Variants in KDM2B observed in about 807,000 individuals in gnomAD.
KDM2B encodes lysine demethylase 2B.
KDM2B carries 26 observed loss-of-function variants against 150.0 expected under a neutral mutation model. The observed-to-expected ratio is 0.17, with a 90% CI of 0.13 to 0.24. The LOEUF (loss-of-function observed/expected upper bound fraction) is 0.24. Among genes scored for constraint, KDM2B ranks in the 10% least tolerant of loss-of-function variants. KDM2B has a pLI of 1.00. For missense variants in KDM2B, 1,265 were observed against 1,816.9 expected, an observed-to-expected ratio of 0.70 and a Z score of 5.52; for synonymous variants, 734 against 729.5, an observed-to-expected ratio of 1.01 and a Z score of -0.10.
Position 121,467,350 on chromosome 12 carries a change from C to CCGCGCCG in KDM2B, c.1735-14013_1735-14007dup. 1 of 981,310 alleles carries CCGCGCCG rather than the reference C, an allele frequency of 1.0e-6. No homozygotes were observed. Among genetic ancestry groups the CCGCGCCG allele is most frequent in the Non-Finnish European group, 1.2e-6 (1 of 828,216 alleles). 60.8% of individuals were successfully genotyped at this position (981,310 alleles called of 1,614,324 possible). On this transcript the variant is annotated intron_variant, in intron 12 of 22. Transcript: ENST00000377071. This position sits in a 1 kb window ranked among gnomAD's most constrained non-coding sequence, Gnocchi z 5.1. ...GGCTCCCGCTGCCGCGAGGAGGGAG[C>CCGCGCCG]CGCGCCGCGCGCCTCGCACGCCCGC...
intron 22 of KDM2B, among the ~76,000 whole-genome samples, chr12:121,437,887 A>AT (rs200245718): frequency 0.28 from 41,573 of 147,950 alleles, 6,019 homozygotes; most frequent in East Asian, 0.42. Context: ...TGAGAGGGGA[A>AT]TTTTTTTTTT....
At chr12:121,564,407 G>A (rs781902901) in intron 4 of KDM2B, among the ~76,000 whole-genome samples, 12 of 152,034 alleles carry the variant, frequency 7.9e-5, no homozygotes, top group Non-Finnish European at 1.5e-4. Context: ...GCAGTGAGCC[G>A]AGATGGCGCC....
the KDM2B span, among the ~76,000 whole-genome samples, chr12:121,419,135 A>G: frequency 6.6e-6 from 1 of 152,204 alleles, no homozygotes; most frequent in Admixed American, 6.5e-5. Context: ...GTGGTTCTGT[A>G]AGATTATAAT....
chr12:121,440,795 A>C, intron 21 of KDM2B, 21 bp downstream of exon 21: 1 of 1,587,566 alleles, frequency 6.3e-7, no homozygotes, highest in Non-Finnish European at 8.6e-7. Context: ...CCCCACAGAA[A>C]CCCCCAGCCT....
In KDM2B at chr12:121,430,378, G is replaced by C. The variant is rs199810790; in HGVS notation, c.3921C>G (p.Thr1307=). The change falls in exon 23 of 23, where the codon ACC becomes ACG. Residue 1307 remains threonine (T), a synonymous_variant. Transcript: ENST00000377071. This position sits in a 1 kb window ranked among gnomAD's most constrained non-coding sequence, Gnocchi z 4.4. The part of the protein sequence containing the change: ...HIDLRYCKQV[T]KEGCEQFIAE... ...CTATGAACTGCTCACAGCCTTCCTTGGTGACTTGCTTGCAGTACCTCAGGT... is the reference window on the plus strand; with the variant it reads ...CTATGAACTGCTCACAGCCTTCCTTCGTGACTTGCTTGCAGTACCTCAGGT... 3.7e-6 allele frequency: 6 copies of C among 1,614,044 alleles called. No homozygotes were observed. In the East Asian group the frequency reaches 1.3e-4, roughly 36 times the overall value.
rs558620115 is a variant in KDM2B, at chr12:121,570,508, T to G, written c.397+4039A>C. 3.9e-5 allele frequency among the ~76,000 whole-genome samples: 6 copies of G among 152,272 alleles called. No individual in the cohort carries two copies. The South Asian group carries it at 1.2e-3, about 32-fold the overall frequency. ...AGCCTGCATATCTTTAACATGCTTTTGGGTCAATTATTCTGGCTGGATCAT... is the reference window on the plus strand; with the variant it reads ...AGCCTGCATATCTTTAACATGCTTTGGGGTCAATTATTCTGGCTGGATCAT... On this transcript the variant is annotated intron_variant, in intron 4 of 22. Transcript: ENST00000377071.
At chr12:121,411,637 G>A in the KDM2B span, among the ~76,000 whole-genome samples, 3 of 152,162 alleles carry the variant, frequency 2.0e-5, no homozygotes, top group Non-Finnish European at 2.9e-5. Flanking sequence ...TTTCTAAATA[G>A]CATGTAAAAT....
intron 8 of KDM2B, among the ~76,000 whole-genome samples, chr12:121,532,287 G>C (rs1555307958): frequency 6.6e-6 from 1 of 152,144 alleles, no homozygotes; most frequent in African/African-American, 2.4e-5. Flanking sequence ...GACTGAGCCA[G>C]GAACCAGCCA....
At position 121,533,262 on chromosome 12, in the gene KDM2B, G is replaced by A. The variant is rs1887815621; in HGVS notation, c.778-303C>T. Among the ~76,000 whole-genome samples, 1 of 152,202 alleles carries A rather than the reference G, an allele frequency of 6.6e-6. No individual in the cohort carries two copies. The highest frequency in any genetic ancestry group is 2.1e-4 in the South Asian group (1 of 4,834). The stretch of plus-strand genomic sequence containing the variant: ...TCTCCCGAACCACAGGCTTGTCTAG[G>A]AGGTGGGGGAAGGAGAGGAAGGGAA... On this transcript the variant is annotated intron_variant, in intron 7 of 22. Transcript: ENST00000377071. The surrounding 1 kb of genome is among the most constrained non-coding windows in gnomAD (Gnocchi z 4.1).
At chr12:121,470,730 G>A (rs550963831) in intron 12 of KDM2B, among the ~76,000 whole-genome samples, 1 of 152,368 alleles carries the variant, frequency 6.6e-6, no homozygotes, top group South Asian at 2.1e-4. Context: ...AGACGAGGAG[G>A]ATGCCAAATG....
chr12:121,441,759 C>T (rs1268614823), intron 19 of KDM2B, among the ~76,000 whole-genome samples: 5 of 152,174 alleles, frequency 3.3e-5, no homozygotes, highest in African/African-American at 1.2e-4. Flanking sequence ...TTTACAACGC[C>T]CTCTACCGGC....
intron 6 of KDM2B, among the ~76,000 whole-genome samples, chr12:121,546,654 C>G (rs1280209045): frequency 6.6e-6 from 1 of 151,092 alleles, no homozygotes; most frequent in Non-Finnish European, 1.5e-5. Flanking sequence ...CTGCCCACCT[C>G]GGCCTCCCAA....
At chr12:121,563,060 G>A (rs1240035534) in intron 4 of KDM2B, among the ~76,000 whole-genome samples, 2 of 152,174 alleles carry the variant, frequency 1.3e-5, no homozygotes, top group African/African-American at 2.4e-5. Flanking sequence ...GCTCTCGCCT[G>A]TAATCCCAGC....
Position 121,494,646 on chromosome 12 carries a change from G to A in KDM2B, c.1667C>T (p.Ala556Val). ...GATGGCCAGACTAGGGTCATCATCT[G>A]CGTGCTCCTTCAGGACGTTCTGTGG... ...EGVKNVLKEH[A>V]DDDPSLAITG... The change falls in exon 12 of 23, where the codon GCA becomes GTA. Residue 556 changes from alanine to valine, a missense_variant. Physicochemically the swap from Ala to Val is moderately conservative, Grantham distance 64 (BLOSUM62 0). Around this residue, in one of 11 missense-constraint regions of KDM2B, gnomAD observed 69 missense variants for 85.7 expected, o/e 0.81. Coordinates refer to ENST00000377071, the MANE Select transcript of KDM2B (RefSeq NM_032590.5). 3 of 1,612,610 alleles carry A rather than the reference G, an allele frequency of 1.9e-6. No individual in the cohort carries two copies. Among genetic ancestry groups the A allele is most frequent in the Non-Finnish European group, 2.5e-6 (3 of 1,179,368 alleles).
chr12:121,508,096 GT>G (rs561899453), intron 11 of KDM2B, among the ~76,000 whole-genome samples: 10 of 151,776 alleles, frequency 6.6e-5, no homozygotes, highest in Non-Finnish European at 1.5e-4. Flanking sequence ...GTTGTTTTGG[GT>G]TTTTTTTCAG....
intron 4 of KDM2B, among the ~76,000 whole-genome samples, chr12:121,550,691 G>A (rs536301945): frequency 6.6e-6 from 1 of 151,930 alleles, no homozygotes; most frequent in Non-Finnish European, 1.5e-5. Context: ...ATGGGGTTTC[G>A]CCATGTTGGT....
At chr12:121,420,282 A>T in the KDM2B span, 1 of 1,597,922 alleles carries the variant, frequency 6.3e-7, no homozygotes, top group Non-Finnish European at 8.5e-7. Context: ...GAAGATGATG[A>T]TGACGACGAT....
At chr12:121,543,285 G>A (rs1402503697) in intron 6 of KDM2B, among the ~76,000 whole-genome samples, 1 of 152,156 alleles carries the variant, frequency 6.6e-6, no homozygotes, top group African/African-American at 2.4e-5. Flanking sequence ...GAACCCCAGA[G>A]GTGGAGGTTA....
intron 12 of KDM2B, among the ~76,000 whole-genome samples, chr12:121,457,929 C>T (rs1455299528): frequency 1.3e-5 from 2 of 152,182 alleles, no homozygotes; most frequent in East Asian, 1.9e-4. Flanking sequence ...ATGGACAGAA[C>T]CTCCTCAATC....
Sources: allele counts gnomAD v4.1 joint callset (sites outside exome capture counted in the v4.1 genomes callset), GRCh38; gene constraint gnomAD v4.1.1; regional missense constraint gnomAD v4.1.1; non-coding constraint Gnocchi (gnomAD v3.1); transcripts MANE v1.5; gene names NCBI Gene and HGNC (gene_info 2026-07-23, HGNC 2026-07-21).